The following IRAK1BP1 variants were observed in gnomAD, a reference collection of about 807,000 sequenced individuals.
The protein encoded by IRAK1BP1 is interleukin-1 receptor-associated kinase 1-binding protein 1.
In IRAK1BP1, 24 loss-of-function variants were observed where a neutral mutation model predicts 28.0. That is an observed-to-expected ratio of 0.86 (90% CI 0.62 to 1.20). The LOEUF is 1.20. IRAK1BP1 is among the 50% of genes most tolerant of loss of function. IRAK1BP1 has a pLI of 0.00. For missense variants in IRAK1BP1, 336 were observed against 316.7 expected, an observed-to-expected ratio of 1.06 and a Z score of -0.46; for synonymous variants, 131 against 116.3, an observed-to-expected ratio of 1.13 and a Z score of -0.81.
At position 78,897,931 on chromosome 6, in the gene IRAK1BP1, C is replaced by T; in HGVS notation, c.484C>T (p.His162Tyr). ...TGTCATCAGCCCACCCCAGTTCTAT[C>T]ATACTCCAGGTTCTGTTGAGAATCT... ...SVVISPPQFY[H>Y]TPGSVENLRR... Residue 162 changes from histidine (H) to tyrosine (Y), a missense_variant, in exon 3 of 4, where the codon CAT (histidine) becomes TAT (tyrosine). His to Tyr is a moderately conservative substitution (Grantham distance 83). Transcript: ENST00000369940. The T allele has an allele frequency of 6.2e-7, 1 of 1,614,066 alleles. No individual in the cohort carries two copies. The highest frequency in any genetic ancestry group is 8.5e-7 in the Non-Finnish European group (1 of 1,179,956).
At chr6:78,935,883 G>A (rs902225885) in intron 4 of IRAK1BP1, 4 of 309,152 alleles carry the variant, frequency 1.3e-5, no homozygotes, top group Non-Finnish European at 1.9e-5. Flanking sequence ...AGAAAAACAA[G>A]TTTTCTATTT....
intron 4 of IRAK1BP1, among the ~76,000 whole-genome samples, chr6:78,916,883 G>A (rs1446125538): frequency 1.3e-5 from 2 of 152,090 alleles, no homozygotes; most frequent in African/African-American, 2.4e-5. Context: ...AGTGGAGGTT[G>A]CAGTGAGACA....
intron 1 of IRAK1BP1, among the ~76,000 whole-genome samples, chr6:78,877,892 G>C (rs1473539628): frequency 6.6e-6 from 1 of 152,050 alleles, no homozygotes; most frequent in Non-Finnish European, 1.5e-5. Flanking sequence ...CTCTCTTGCT[G>C]CTAGCACAGC....
chr6:78,972,187 G>C, the IRAK1BP1 span, among the ~76,000 whole-genome samples: 1 of 151,772 alleles, frequency 6.6e-6, no homozygotes, highest in Admixed American at 6.6e-5. Flanking sequence ...ATATGAGAAC[G>C]GGCAGACTGC....
At chr6:78,953,457 GAATAC>G in the IRAK1BP1 span, among the ~76,000 whole-genome samples, 1 of 152,052 alleles carries the variant, frequency 6.6e-6, no homozygotes, top group African/African-American at 2.4e-5. Flanking sequence ...TTTTTCAAAA[GAATAC>G]ATAGCTGAGC....
At chr6:78,879,076 G>A (rs923190862) in intron 1 of IRAK1BP1, among the ~76,000 whole-genome samples, 37 of 152,118 alleles carry the variant, frequency 2.4e-4, no homozygotes, top group African/African-American at 8.2e-4. Context: ...CACTCTTCAC[G>A]ATATTATCCA....
chr6:78,871,955 C>T, intron 1 of IRAK1BP1: 1 of 503,164 alleles, frequency 2.0e-6, no homozygotes. Context: ...TGAAAGCTTT[C>T]CCTGGCTGCC....
rs187699755 is a variant in IRAK1BP1 at position 78,941,599 on chromosome 6, G to T, written c.*68-3809G>T. ...TTATCTAAGTTAACATTGTGATTGAGTATAAAGCTGGGATGACTAAAGGTT... is the reference window on the plus strand; with the variant it reads ...TTATCTAAGTTAACATTGTGATTGATTATAAAGCTGGGATGACTAAAGGTT... On this transcript the variant is annotated intron_variant and NMD_transcript_variant, in intron 4 of 4. Coordinates refer to the IRAK1BP1 transcript ENST00000606868. Among the ~76,000 whole-genome samples, 97 of 152,250 alleles carry T rather than the reference G, an allele frequency of 6.4e-4. 1 individual carries two copies. The South Asian group carries it at 8.1e-3, about 13-fold the overall frequency.
chr6:78,907,374 C>T (rs914524049), downstream of IRAK1BP1, among the ~76,000 whole-genome samples: 2 of 152,046 alleles, frequency 1.3e-5, no homozygotes, highest in Admixed American at 6.6e-5. Flanking sequence ...ATTCAAGCAC[C>T]ATATTTTCCA....
chr6:78,965,840 A>G, the IRAK1BP1 span: 1 of 1,179,030 alleles, frequency 8.5e-7, no homozygotes, highest in Non-Finnish European at 1.2e-6. Context: ...AATTATCAAA[A>G]TAATTGCTTC....
chr6:78,954,530 G>GA, the IRAK1BP1 span, among the ~76,000 whole-genome samples: 13 of 148,060 alleles, frequency 8.8e-5, no homozygotes, highest in South Asian at 4.3e-4. Flanking sequence ...GACAAAAAAA[G>GA]AAAAAAAAAA....
chr6:78,897,151 G>A (rs958694126), intron 2 of IRAK1BP1, among the ~76,000 whole-genome samples: 3 of 151,320 alleles, frequency 2.0e-5, no homozygotes, highest in East Asian at 3.9e-4. Flanking sequence ...TACTTGGAAG[G>A]CTGAGGTAGG....
downstream of IRAK1BP1, among the ~76,000 whole-genome samples, chr6:78,903,575 T>A (rs955540382): frequency 2.0e-5 from 3 of 151,866 alleles, no homozygotes; most frequent in African/African-American, 7.3e-5. Flanking sequence ...AAAAATAATT[T>A]ACACACTAAA....
chr6:78,867,729 C>T lies in IRAK1BP1; in HGVS notation c.153C>T (p.Arg51=). The T allele has an allele frequency of 1.9e-6, 3 of 1,614,232 alleles. No individual in the cohort carries two copies. The highest frequency in any genetic ancestry group is 2.5e-6 in the Non-Finnish European group (3 of 1,180,046). The change falls in exon 1 of 4, where the codon CGC becomes CGT. Residue 51 remains arginine, a synonymous_variant. Coordinates refer to ENST00000369940, the MANE Select transcript of IRAK1BP1 (RefSeq NM_001010844.4). The part of the protein sequence containing the change: ...LSSTQAQTAT[R]EVQVSGTSEV... ...CAACACAAGCCCAAACTGCTACCCG[C>T]GAGGTGCAAGTAAGCGGCACCTCAG...
chr6:78,972,799 GA>G, the IRAK1BP1 span, among the ~76,000 whole-genome samples: 2 of 152,044 alleles, frequency 1.3e-5, no homozygotes, highest in Admixed American at 6.6e-5. Context: ...TGAAATGAAT[GA>G]AATGAAGCGA....
At chr6:78,929,658 C>T (rs1050175417) in intron 4 of IRAK1BP1, among the ~76,000 whole-genome samples, 1 of 152,120 alleles carries the variant, frequency 6.6e-6, no homozygotes, top group Non-Finnish European at 1.5e-5. Flanking sequence ...CAAACTTGCT[C>T]ATGTACCCTC....
intron 4 of IRAK1BP1, among the ~76,000 whole-genome samples, chr6:78,917,791 T>C (rs1772600668): frequency 6.6e-6 from 1 of 152,038 alleles, no homozygotes; most frequent in African/African-American, 2.4e-5. Context: ...AGAAAAGAAA[T>C]TCTAACCAAG....
chr6:78,936,272 T>C (rs935057029), intron 4 of IRAK1BP1: 1 of 151,986 alleles, frequency 6.6e-6, no homozygotes, highest in Non-Finnish European at 1.5e-5. Context: ...TTTCACCCTC[T>C]AGGTCAGTTA....
At chr6:78,952,611 A>G in the IRAK1BP1 span, among the ~76,000 whole-genome samples, 97 of 151,924 alleles carry the variant, frequency 6.4e-4, 1 homozygote, top group South Asian at 8.1e-3. Context: ...TCTCTTTATC[A>G]TTCTGTGTGG....
Sources: gnomAD v4.1 joint callset for allele counts (sites outside exome capture counted in the v4.1 genomes callset) on GRCh38, gnomAD v4.1.1 for gene constraint, MANE v1.5 for transcripts, NCBI Gene and HGNC (gene_info 2026-07-23, HGNC 2026-07-21) for gene names.